FRMD4A: variants seen among roughly 807,000 people sequenced by gnomAD.
FRMD4A encodes FERM domain containing 4A.
Under a neutral mutation model 129.1 loss-of-function variants are expected in FRMD4A, and 29 were observed. That is an observed-to-expected ratio of 0.22 (90% confidence interval 0.17 to 0.31). The LOEUF is 0.31. Ranked by LOEUF, FRMD4A falls within the 10% of genes least tolerant of loss-of-function variation. FRMD4A has a pLI of 1.00. For missense variants in FRMD4A, 1,272 were observed against 1,375.8 expected (o/e 0.92, Z 1.19); for synonymous variants, 634 against 571.6 (o/e 1.11, Z -1.56).
At chr10:13,843,516 G>C (rs188354868) in intron 3 of FRMD4A, among the ~76,000 whole-genome samples, 1 of 152,226 alleles carries the variant, frequency 6.6e-6, no homozygotes, top group East Asian at 1.9e-4. Flanking sequence ...TTTTGTTTTG[G>C]AGATATAGTC....
chr10:13,801,383 T>C lies in FRMD4A; in HGVS notation c.207-4795A>G, dbSNP rs148060544. Among the ~76,000 whole-genome samples, 577 of 152,298 alleles carry C rather than the reference T, an allele frequency of 3.8e-3. 3 individuals are homozygous for C. The highest frequency in any genetic ancestry group is 0.013 in the African/African-American group (552 of 41,566). ...GACAAATGAATTTCCTTCCTCCACT[T>C]CCCCTGCTTGAACTCGTCCACTCCA... On this transcript the variant is annotated intron_variant, in intron 4 of 24. Transcript: ENST00000357447.
intron 2 of FRMD4A, among the ~76,000 whole-genome samples, chr10:13,937,057 C>A (rs2095254857): frequency 6.6e-6 from 1 of 152,180 alleles, no homozygotes; most frequent in Non-Finnish European, 1.5e-5. Flanking sequence ...GAGTTCTCAG[C>A]AATGTGGAAA....
intron 2 of FRMD4A, among the ~76,000 whole-genome samples, chr10:14,069,284 T>C (rs1835208273): frequency 6.6e-6 from 1 of 152,190 alleles, no homozygotes; most frequent in Admixed American, 6.6e-5. Context: ...CTATAAAAAA[T>C]GACAGTAGCC....
chr10:13,872,079 C>T lies in FRMD4A; in HGVS notation c.46-13167G>A, dbSNP rs553298491. ...TAGAGTTGTGATGAGGAACGCTGCA[C>T]ATAAAAAGTGCAGAACGCTGAATGC... On this transcript the variant is annotated intron_variant, in intron 2 of 24. Transcript: ENST00000357447. 1.9e-3 allele frequency among the ~76,000 whole-genome samples: 295 copies of T among 152,352 alleles called. 1 individual carries two copies. The highest frequency in any genetic ancestry group is 3.2e-3 in the Non-Finnish European group (221 of 68,038).
intron 2 of FRMD4A, among the ~76,000 whole-genome samples, chr10:13,970,653 C>G (rs568252422): frequency 6.6e-6 from 1 of 152,208 alleles, no homozygotes; most frequent in East Asian, 1.9e-4. Context: ...GCGACACCCC[C>G]CTTCAAGAGC....
intron 2 of FRMD4A, among the ~76,000 whole-genome samples, chr10:14,112,407 G>T (rs575930977): frequency 6.6e-6 from 1 of 152,312 alleles, no homozygotes; most frequent in African/African-American, 2.4e-5. Flanking sequence ...CGATGTGGTT[G>T]TGTCTATTTT....
intron 12 of FRMD4A, among the ~76,000 whole-genome samples, chr10:13,713,857 ATAATATATATACATATATG>A (rs142079536): frequency 0.32 from 680 of 2,110 alleles, 103 homozygotes; most frequent in South Asian, 0.47. Flanking sequence ...ACACATATAT[ATAATATATATACATATATG>A]TAATATATAT....
chr10:13,975,442 G>A (rs1051795228), intron 2 of FRMD4A, among the ~76,000 whole-genome samples: 5 of 151,728 alleles, frequency 3.3e-5, no homozygotes, highest in Admixed American at 2.0e-4. Flanking sequence ...TGTGTCTCAT[G>A]TCTATTCGTG....
chr10:14,226,881 C>T (rs1843456799), intron 2 of FRMD4A, among the ~76,000 whole-genome samples: 2 of 152,124 alleles, frequency 1.3e-5, no homozygotes, highest in Non-Finnish European at 2.9e-5. Context: ...CTTCCAAGAC[C>T]CCAATCGACT....
chr10:13,761,534 A>G (rs2092074396), intron 8 of FRMD4A, 113 bp downstream of exon 8: 5 of 733,558 alleles, frequency 6.8e-6, no homozygotes, highest in Non-Finnish European at 9.5e-6. Context: ...CTCATCATTA[A>G]CATATAACAT....
chr10:13,883,953 G>A (rs975374464), intron 2 of FRMD4A, among the ~76,000 whole-genome samples: 4 of 152,006 alleles, frequency 2.6e-5, no homozygotes, highest in Admixed American at 6.6e-5. Context: ...ATGATCTCTC[G>A]TTCTGACTTT....
At chr10:13,904,613 T>C (rs183672386) in intron 2 of FRMD4A, among the ~76,000 whole-genome samples, 68 of 152,378 alleles carry the variant, frequency 4.5e-4, no homozygotes, top group African/African-American at 1.4e-3. Context: ...GTATGGTATT[T>C]AATTTCACTT....
chr10:13,927,008 C>T (rs1565053503), intron 2 of FRMD4A, among the ~76,000 whole-genome samples: 1 of 152,244 alleles, frequency 6.6e-6, no homozygotes, highest in African/African-American at 2.4e-5. Context: ...AATCCCAGCC[C>T]TTTGGGAGGC....
chr10:13,943,240 C>G (rs1226817292), intron 2 of FRMD4A, among the ~76,000 whole-genome samples: 2 of 152,152 alleles, frequency 1.3e-5, no homozygotes, highest in African/African-American at 4.8e-5. Flanking sequence ...TCCCCTCAGG[C>G]CTCTCCACCA....
chr10:14,313,202 AT>A (rs976992607), intron 2 of FRMD4A, among the ~76,000 whole-genome samples: 14 of 66,320 alleles, frequency 2.1e-4, no homozygotes, highest in South Asian at 4.6e-4. Context: ...AAAAAAAAAA[AT>A]TTTTTTTTAA....
intron 2 of FRMD4A, among the ~76,000 whole-genome samples, chr10:14,227,521 G>C (rs1175257298): frequency 1.3e-5 from 2 of 151,914 alleles, no homozygotes; most frequent in African/African-American, 4.8e-5. Flanking sequence ...CAAAGTGCTG[G>C]GATTACAGAT....
chr10:14,244,474 T>A (rs993278519), intron 2 of FRMD4A, among the ~76,000 whole-genome samples: 1 of 152,350 alleles, frequency 6.6e-6, no homozygotes, highest in South Asian at 2.1e-4. Flanking sequence ...GGCTCTTGTA[T>A]CCACATGAGG....
At chr10:14,025,687 T>A (rs1832956537) in intron 2 of FRMD4A, among the ~76,000 whole-genome samples, 1 of 152,280 alleles carries the variant, frequency 6.6e-6, no homozygotes, top group Admixed American at 6.5e-5. Context: ...ATAACTCCAT[T>A]TCTCCCCTCC....
chr10:14,035,593 G>T (rs1375980678), intron 2 of FRMD4A, among the ~76,000 whole-genome samples: 2 of 152,094 alleles, frequency 1.3e-5, no homozygotes, highest in Non-Finnish European at 2.9e-5. Context: ...TCCTTCTGTT[G>T]TCTGTATTTT....
Sources: gnomAD v4.1 joint callset for allele counts (sites outside exome capture counted in the v4.1 genomes callset) on GRCh38, gnomAD v4.1.1 for gene constraint, MANE v1.5 for transcripts, NCBI Gene and HGNC (gene_info 2026-07-23, HGNC 2026-07-21) for gene names.